The following GALNT13 variants were observed in gnomAD, a reference collection of about 807,000 sequenced individuals.
GALNT13 encodes the protein polypeptide N-acetylgalactosaminyltransferase 13, also known as UDP-GalNAc:polypeptide N-acetylgalactosaminyltransferase 13.
Under a neutral mutation model 64.2 loss-of-function variants are expected in GALNT13, and 28 were observed. The observed-to-expected ratio is 0.44, with a 90% CI of 0.32 to 0.60. The LOEUF (loss-of-function observed/expected upper bound fraction) is 0.60, where lower values mean the gene tolerates loss of function less well. Among genes scored for constraint, GALNT13 ranks in the 20% least tolerant of loss-of-function variants. GALNT13 has a pLI of 0.05. For synonymous variants in GALNT13, 214 were observed against 224.6 expected (o/e 0.95, Z 0.42); for missense variants, 577 against 669.8 (o/e 0.86, Z 1.53).
chr2:153,779,713 A>G, the GALNT13 span, among the ~76,000 whole-genome samples: 1 of 152,124 alleles, frequency 6.6e-6, no homozygotes, highest in Non-Finnish European at 1.5e-5. Context: ...TAAAAAGGTA[A>G]TTTCTCATGA....
At chr2:153,816,903 G>A in the GALNT13 span, among the ~76,000 whole-genome samples, 30 of 152,290 alleles carry the variant, frequency 2.0e-4, 1 homozygote, top group African/African-American at 5.5e-4. Flanking sequence ...AAGGTCACAC[G>A]TTATGCAGAG....
At chr2:153,227,965 A>G in the GALNT13 span, among the ~76,000 whole-genome samples, 13 of 152,242 alleles carry the variant, frequency 8.5e-5, no homozygotes, top group South Asian at 2.1e-4. Context: ...ATGATAAGAT[A>G]TACAACAGAA....
chr2:153,112,144 C>A, the GALNT13 span, among the ~76,000 whole-genome samples: 1 of 152,134 alleles, frequency 6.6e-6, no homozygotes, highest in African/African-American at 2.4e-5. Context: ...TTTCTAGCCT[C>A]TGTCTGCCTC....
the GALNT13 span, among the ~76,000 whole-genome samples, chr2:153,675,971 C>G: frequency 6.6e-6 from 1 of 151,900 alleles, no homozygotes; most frequent in Admixed American, 6.6e-5. Context: ...AAAACAGGAG[C>G]AAATCAGCCC....
At chr2:153,756,624 G>A in the GALNT13 span, among the ~76,000 whole-genome samples, 1 of 152,016 alleles carries the variant, frequency 6.6e-6, no homozygotes, top group East Asian at 1.9e-4. Flanking sequence ...GGACATGAGT[G>A]CCTTTATCTT....
chr2:154,159,041 G>T (rs549027836), intron 4 of GALNT13, among the ~76,000 whole-genome samples: 1 of 152,014 alleles, frequency 6.6e-6, no homozygotes, highest in African/African-American at 2.4e-5. Flanking sequence ...TCTTTATTAT[G>T]AATAAGGAAA....
intron 2 of GALNT13, among the ~76,000 whole-genome samples, chr2:153,933,638 G>A (rs1690688562): frequency 6.6e-6 from 1 of 151,114 alleles, no homozygotes; most frequent in South Asian, 2.1e-4. Context: ...TGTTGTTAGA[G>A]TAGCTTGTTA....
the GALNT13 span, among the ~76,000 whole-genome samples, chr2:153,089,869 T>G: frequency 6.6e-6 from 1 of 152,058 alleles, no homozygotes; most frequent in African/African-American, 2.4e-5. Flanking sequence ...TTAAAGTCGG[T>G]TTTTACCTTT....
the GALNT13 span, among the ~76,000 whole-genome samples, chr2:153,419,141 G>C: frequency 1.3e-5 from 2 of 152,168 alleles, no homozygotes; most frequent in Admixed American, 6.5e-5. Flanking sequence ...CAGGGCTGGG[G>C]AGGCCTCAGG....
the GALNT13 span, among the ~76,000 whole-genome samples, chr2:153,247,258 A>T: frequency 6.6e-6 from 1 of 152,186 alleles, no homozygotes; most frequent in African/African-American, 2.4e-5. Context: ...CATATTCAGG[A>T]CTTGAAATCA....
At chr2:154,430,129 G>C (rs1256344870) in intron 11 of GALNT13, among the ~76,000 whole-genome samples, 2 of 152,180 alleles carry the variant, frequency 1.3e-5, no homozygotes, top group Non-Finnish European at 2.9e-5. Flanking sequence ...AGATCAAGGA[G>C]CAAGTTCAAT....
chr2:154,037,127 T>C (rs922334769), intron 3 of GALNT13, among the ~76,000 whole-genome samples: 3 of 152,308 alleles, frequency 2.0e-5, no homozygotes, highest in African/African-American at 7.2e-5. Context: ...ATTTTTTTAA[T>C]GCAATCTTCA....
intron 4 of GALNT13, among the ~76,000 whole-genome samples, chr2:154,197,677 A>G (rs1686952340): frequency 6.6e-6 from 1 of 151,988 alleles, no homozygotes; most frequent in Non-Finnish European, 1.5e-5. Context: ...TAAAAGACTG[A>G]TATTTTAAAT....
the GALNT13 span, among the ~76,000 whole-genome samples, chr2:153,233,354 C>T: frequency 3.9e-5 from 6 of 152,010 alleles, no homozygotes; most frequent in African/African-American, 1.4e-4. Flanking sequence ...ATTTTTTATT[C>T]CTATAGACAT....
the GALNT13 span, among the ~76,000 whole-genome samples, chr2:153,865,542 C>CA: frequency 3.3e-5 from 3 of 91,884 alleles, no homozygotes; most frequent in Non-Finnish European, 6.5e-5. Flanking sequence ...TTTATGCAGC[C>CA]AAAAAACACA....
chr2:153,687,397 C>T, the GALNT13 span, among the ~76,000 whole-genome samples: 1 of 151,804 alleles, frequency 6.6e-6, no homozygotes, highest in East Asian at 1.9e-4. Flanking sequence ...AGGAATTAAG[C>T]CATTTCTTCT....
the GALNT13 span, among the ~76,000 whole-genome samples, chr2:153,272,926 C>T: frequency 6.6e-6 from 1 of 152,192 alleles, no homozygotes; most frequent in African/African-American, 2.4e-5. Flanking sequence ...CCATGGAATA[C>T]TATGCATCCA....
chr2:154,395,957 A>G, intron 9 of GALNT13, 34 bp from the exon 10 acceptor site: 1 of 1,560,512 alleles, frequency 6.4e-7, no homozygotes, highest in South Asian at 1.2e-5. Context: ...CAAAAATAGC[A>G]CAAACTGATT....
At chr2:154,190,274 C>T (rs1265329851) in intron 4 of GALNT13, among the ~76,000 whole-genome samples, 1 of 152,076 alleles carries the variant, frequency 6.6e-6, no homozygotes, top group Admixed American at 6.6e-5. Flanking sequence ...AGCTGTTGAC[C>T]CAACCAATTG....
Sources: allele counts gnomAD v4.1 joint callset (sites outside exome capture counted in the v4.1 genomes callset), GRCh38; gene constraint gnomAD v4.1.1; transcripts MANE v1.5; gene names NCBI Gene and HGNC (gene_info 2026-07-23, HGNC 2026-07-21).